CELF2: variants seen among roughly 807,000 people sequenced by gnomAD.
CELF2 encodes CUGBP Elav-like family member 2, also known as CUG triplet repeat RNA-binding protein 2.
In CELF2, 8 loss-of-function variants were observed where a neutral mutation model predicts 62.6. That is an observed-to-expected ratio of 0.13 (90% CI 0.07 to 0.23). CELF2 has a LOEUF of 0.23. Among genes scored for constraint, CELF2 ranks in the 10% least tolerant of loss-of-function variants. CELF2 has a pLI of 1.00. For missense variants in CELF2, 333 were observed against 671.0 expected, an observed-to-expected ratio of 0.50 and a Z score of 5.56; for synonymous variants, 258 against 250.0, an observed-to-expected ratio of 1.03 and a Z score of -0.30.
chr10:10,787,649 GA>G, the CELF2 span, among the ~76,000 whole-genome samples: 2 of 152,292 alleles, frequency 1.3e-5, no homozygotes, highest in South Asian at 4.1e-4. Flanking sequence ...TGAGCTTTGT[GA>G]AAAGTATTCT....
At chr10:10,863,891 CTG>C (rs1389565368) in intron 1 of CELF2, among the ~76,000 whole-genome samples, 1 of 152,214 alleles carries the variant, frequency 6.6e-6, no homozygotes, top group Non-Finnish European at 1.5e-5. Context: ...AACTTTATAA[CTG>C]TAACCAATCA....
chr10:10,510,391 G>A, the CELF2 span, among the ~76,000 whole-genome samples: 81 of 152,330 alleles, frequency 5.3e-4, no homozygotes, highest in African/African-American at 1.3e-3. Flanking sequence ...TGTTTGTGTG[G>A]TCCTGCCTAG....
intron 1 of CELF2, among the ~76,000 whole-genome samples, chr10:11,114,416 G>A (rs1001705799): frequency 3.3e-5 from 5 of 152,186 alleles, no homozygotes; most frequent in African/African-American, 1.2e-4. Context: ...CAAAGAAAAT[G>A]TGACAGTTCT....
At chr10:10,658,918 T>C in the CELF2 span, among the ~76,000 whole-genome samples, 2 of 152,172 alleles carry the variant, frequency 1.3e-5, no homozygotes, top group Non-Finnish European at 2.9e-5. Flanking sequence ...ACAAGTGCAA[T>C]GAAAGAGCTT....
intron 1 of CELF2, among the ~76,000 whole-genome samples, chr10:11,034,141 T>A (rs2060578908): frequency 6.6e-6 from 1 of 152,240 alleles, no homozygotes; most frequent in African/African-American, 2.4e-5. Context: ...GACTCTGGGC[T>A]TTTGTCCTGT....
At chr10:10,919,603 G>A (rs1272566999) in intron 1 of CELF2, among the ~76,000 whole-genome samples, 1 of 152,194 alleles carries the variant, frequency 6.6e-6, no homozygotes, top group Non-Finnish European at 1.5e-5. Context: ...AAAGATCATT[G>A]GTGCTTCGTT....
At chr10:10,642,443 C>T in the CELF2 span, among the ~76,000 whole-genome samples, 175 of 152,216 alleles carry the variant, frequency 1.1e-3, no homozygotes, top group African/African-American at 3.9e-3. Context: ...CACAGCCTGA[C>T]GAGGAGGTTG....
chr10:10,850,213 G>A (rs1484334097), intron 1 of CELF2, among the ~76,000 whole-genome samples: 1 of 152,030 alleles, frequency 6.6e-6, no homozygotes, highest in South Asian at 2.1e-4. Flanking sequence ...ATTATATCTG[G>A]TAGTTTAATA....
chr10:10,564,475 A>G, the CELF2 span, among the ~76,000 whole-genome samples: 2 of 152,148 alleles, frequency 1.3e-5, no homozygotes, highest in African/African-American at 4.8e-5. Flanking sequence ...CTGTGAAGAT[A>G]TGTTTTACAG....
At chr10:11,172,265 A>G (rs2069153471) in intron 2 of CELF2, among the ~76,000 whole-genome samples, 2 of 152,304 alleles carry the variant, frequency 1.3e-5, no homozygotes, top group South Asian at 4.1e-4. Flanking sequence ...ACATCCTTTC[A>G]TTGTTGGCTG....
the CELF2 span, among the ~76,000 whole-genome samples, chr10:10,573,236 G>A: frequency 1.3e-5 from 2 of 152,102 alleles, no homozygotes; most frequent in African/African-American, 4.8e-5. Context: ...TAAGTTCCTT[G>A]TAGATTCTGG....
At chr10:11,274,575 G>A (rs1421294660) in intron 7 of CELF2, among the ~76,000 whole-genome samples, 1 of 152,222 alleles carries the variant, frequency 6.6e-6, no homozygotes, top group Non-Finnish European at 1.5e-5. Flanking sequence ...CTGTACGGCT[G>A]TGAATAGATG....
At chr10:10,477,870 A>G in the CELF2 span, among the ~76,000 whole-genome samples, 1 of 152,092 alleles carries the variant, frequency 6.6e-6, no homozygotes, top group Non-Finnish European at 1.5e-5. Context: ...TAGCATAGGA[A>G]TCTTTTCATT....
chr10:10,606,199 A>G, the CELF2 span, among the ~76,000 whole-genome samples: 5 of 152,188 alleles, frequency 3.3e-5, no homozygotes, highest in African/African-American at 1.2e-4. Flanking sequence ...TTAGAAACAC[A>G]TTTAATGGAA....
At chr10:11,236,678 C>T (rs1405492585) in intron 3 of CELF2, among the ~76,000 whole-genome samples, 1 of 152,212 alleles carries the variant, frequency 6.6e-6, no homozygotes, top group African/African-American at 2.4e-5. Flanking sequence ...GAAACGGTCA[C>T]TATTAACCCA....
chr10:10,739,972 T>G, the CELF2 span, among the ~76,000 whole-genome samples: 2 of 152,172 alleles, frequency 1.3e-5, no homozygotes, highest in Non-Finnish European at 2.9e-5. Context: ...TGTTTGTTTA[T>G]TTGCTATTTA....
At chr10:10,491,284 C>T in the CELF2 span, among the ~76,000 whole-genome samples, 1 of 152,156 alleles carries the variant, frequency 6.6e-6, no homozygotes, top group African/African-American at 2.4e-5. Flanking sequence ...TCCAGACACA[C>T]TGAATAGATG....
the CELF2 span, among the ~76,000 whole-genome samples, chr10:10,600,493 C>T: frequency 6.6e-6 from 1 of 152,166 alleles, no homozygotes; most frequent in Non-Finnish European, 1.5e-5. Context: ...AAGTTACCTG[C>T]ATGGTGGTGA....
the CELF2 span, among the ~76,000 whole-genome samples, chr10:10,543,827 C>T: frequency 6.6e-6 from 1 of 152,208 alleles, no homozygotes; most frequent in Non-Finnish European, 1.5e-5. Context: ...GAGGGTCCTA[C>T]AGTCTTCTGT....
Sources: gnomAD v4.1 joint callset for allele counts (sites outside exome capture counted in the v4.1 genomes callset) on GRCh38, gnomAD v4.1.1 for gene constraint, MANE v1.5 for transcripts, NCBI Gene and HGNC (gene_info 2026-07-23, HGNC 2026-07-21) for gene names.